Variants in PDE10A observed in about 807,000 individuals in gnomAD.
PDE10A encodes phosphodiesterase 10A, also known as cAMP and cAMP-inhibited cGMP 3',5'-cyclic phosphodiesterase 10A.
PDE10A carries 39 observed loss-of-function variants against 97.7 expected under a neutral mutation model. That is an observed-to-expected ratio of 0.40 (90% CI 0.31 to 0.52). PDE10A has a LOEUF of 0.52. Among genes scored for constraint, PDE10A ranks in the 20% least tolerant of loss-of-function variants. The pLI, the probability that PDE10A is intolerant of heterozygous loss-of-function variation, is 0.56. For synonymous variants in PDE10A, 371 were observed against 376.8 expected, an observed-to-expected ratio of 0.98 and a Z score of 0.18; for missense variants, 731 against 1,047.8, an observed-to-expected ratio of 0.70 and a Z score of 4.17.
chr6:165,645,119 A>C (rs1325452841), intron 1 of PDE10A, among the ~76,000 whole-genome samples: 1 of 152,068 alleles, frequency 6.6e-6, no homozygotes, highest in Non-Finnish European at 1.5e-5. Flanking sequence ...GGTGGATCCT[A>C]CTTCAGGCGC....
chr6:165,427,472 G>C (rs1789246372), intron 10 of PDE10A, among the ~76,000 whole-genome samples: 1 of 152,090 alleles, frequency 6.6e-6, no homozygotes, highest in African/African-American at 2.4e-5. Flanking sequence ...GAGGCAAGTG[G>C]AAATAGGGGC....
At chr6:165,602,960 A>G (rs754985878) in intron 1 of PDE10A, among the ~76,000 whole-genome samples, 60 of 152,328 alleles carry the variant, frequency 3.9e-4, no homozygotes, top group Non-Finnish European at 6.8e-4. Flanking sequence ...TTTGTATTAC[A>G]TTTTCTTCAT....
chr6:165,815,979 T>G (rs1194223067), intron 1 of PDE10A, among the ~76,000 whole-genome samples: 2 of 151,738 alleles, frequency 1.3e-5, no homozygotes, highest in African/African-American at 2.4e-5. Flanking sequence ...AAATGGAGTC[T>G]CACTTCATCA....
chr6:165,525,086 C>T (rs1404277525), intron 2 of PDE10A, among the ~76,000 whole-genome samples: 1 of 152,042 alleles, frequency 6.6e-6, no homozygotes, highest in African/African-American at 2.4e-5. Flanking sequence ...GAGCCACCCC[C>T]AATACTCCTT....
chr6:165,984,300 AC>A, intron 1 of PDE10A, among the ~76,000 whole-genome samples: 2 of 152,368 alleles, frequency 1.3e-5, no homozygotes, highest in South Asian at 4.1e-4. Context: ...TGTGGGAATT[AC>A]TTGCTACTGG....
intron 10 of PDE10A, among the ~76,000 whole-genome samples, chr6:165,423,011 ATTAT>A (rs768449935): frequency 6.6e-6 from 1 of 152,188 alleles, no homozygotes; most frequent in South Asian, 2.1e-4. Context: ...ATAAACACTG[ATTAT>A]TTATTGATTT....
At chr6:165,461,652 C>T (rs1205407748) in intron 3 of PDE10A, among the ~76,000 whole-genome samples, 1 of 152,176 alleles carries the variant, frequency 6.6e-6, no homozygotes, top group African/African-American at 2.4e-5. Context: ...GTAGAATGCA[C>T]CCTTTTTACA....
chr6:165,659,795 C>T (rs948123073), intron 1 of PDE10A, among the ~76,000 whole-genome samples: 3 of 152,154 alleles, frequency 2.0e-5, no homozygotes, highest in Non-Finnish European at 2.9e-5. Flanking sequence ...GTATTGTGTT[C>T]CTAAAGGGAG....
intron 1 of PDE10A, among the ~76,000 whole-genome samples, chr6:165,854,074 C>T (rs997524042): frequency 2.8e-4 from 43 of 152,300 alleles, no homozygotes; most frequent in African/African-American, 1.0e-3. Context: ...GACAGACGCG[C>T]GGGGTCCTAG....
Position 165,336,195 on chromosome 6 carries a change from G to A in PDE10A, c.2993C>T (p.Ala998Val). The A allele has an allele frequency of 6.2e-7, 1 of 1,613,758 alleles. No individual in the cohort carries two copies. The highest frequency in any genetic ancestry group is 2.2e-5 in the East Asian group (1 of 44,850). ...VPQGQLGFYNAVAIPCYTTLT... is the reference protein window; with the variant it reads ...VPQGQLGFYNVVAIPCYTTLT... ...GGTTGTATAGCAGGGAATGGCCACG[G>A]CATTGTAGAACCCAAGCTGCCTCCA... The change falls in exon 21 of 22, where the codon GCC becomes GTC. Residue 998 changes from alanine to valine, a missense_variant. By Grantham distance (64) the Ala-to-Val change is moderately conservative (BLOSUM62 0). Transcript: ENST00000539869.
At chr6:165,431,399 G>A (rs1789543899) in intron 8 of PDE10A, 23 bp downstream of exon 8, 6 of 1,567,710 alleles carry the variant, frequency 3.8e-6, no homozygotes, top group African/African-American at 2.7e-5. Flanking sequence ...GGAAGCCCCT[G>A]CAAAAACACC....
At chr6:165,902,790 C>G (rs1435280947) in intron 1 of PDE10A, among the ~76,000 whole-genome samples, 1 of 152,236 alleles carries the variant, frequency 6.6e-6, no homozygotes, top group Non-Finnish European at 1.5e-5. Flanking sequence ...CTTCTCCACA[C>G]TCATCATCCT....
intron 1 of PDE10A, among the ~76,000 whole-genome samples, chr6:165,777,194 A>T (rs777111442): frequency 3.3e-5 from 5 of 152,178 alleles, no homozygotes; most frequent in Non-Finnish European, 5.9e-5. Flanking sequence ...AGCTGGGAAG[A>T]GGAGATGGGC....
chr6:165,737,964 A>G (rs1433658805), intron 1 of PDE10A, among the ~76,000 whole-genome samples: 1 of 152,142 alleles, frequency 6.6e-6, no homozygotes, highest in African/African-American at 2.4e-5. Flanking sequence ...AGTAGCAGAT[A>G]CAAAATCACC....
At chr6:165,833,084 A>G (rs966718934) in intron 1 of PDE10A, among the ~76,000 whole-genome samples, 1 of 152,202 alleles carries the variant, frequency 6.6e-6, no homozygotes, top group Non-Finnish European at 1.5e-5. Context: ...CAGTCCTATA[A>G]CATCTTTATT....
chr6:165,626,740 A>C (rs1487800253), intron 1 of PDE10A, among the ~76,000 whole-genome samples: 1 of 132,094 alleles, frequency 7.6e-6, no homozygotes. Context: ...AGTGGTGAGA[A>C]GGGGAAAGCG....
chr6:165,432,842 T>A, intron 7 of PDE10A, 132 bp downstream of exon 7: 1 of 669,454 alleles, frequency 1.5e-6, no homozygotes, highest in East Asian at 2.7e-5. Context: ...ATCAAAACAC[T>A]GTTAAGCAAA....
chr6:165,410,573 T>G (rs1787668436), intron 13 of PDE10A, among the ~76,000 whole-genome samples: 1 of 151,936 alleles, frequency 6.6e-6, no homozygotes, highest in African/African-American at 2.4e-5. Context: ...ACGTAGAGAT[T>G]TATGTATAAA....
intron 1 of PDE10A, among the ~76,000 whole-genome samples, chr6:165,730,731 C>T (rs564419742): frequency 1.1e-4 from 15 of 133,228 alleles, no homozygotes; most frequent in African/African-American, 4.4e-4. Context: ...CCAGCCTGGG[C>T]GACAGAGTGA....
Sources: gnomAD v4.1 joint callset for allele counts (sites outside exome capture counted in the v4.1 genomes callset) on GRCh38, gnomAD v4.1.1 for gene constraint, MANE v1.5 for transcripts, NCBI Gene and HGNC (gene_info 2026-07-23, HGNC 2026-07-21) for gene names.